The following CSMD1 variants were observed in gnomAD, a reference collection of about 807,000 sequenced individuals.
CSMD1 encodes CUB and sushi domain-containing protein 1.
A neutral mutation model predicts 417.5 loss-of-function variants in CSMD1; 213 were observed. The observed-to-expected ratio is 0.51, with a 90% CI of 0.46 to 0.57. The LOEUF is 0.57. CSMD1 is among the 20% of genes least tolerant of loss of function. The pLI, the probability that CSMD1 is intolerant of heterozygous loss-of-function variation, is 0.00. For missense variants in CSMD1, 6,923 were observed against 4,529.7 expected (o/e 1.53, Z -15.17); for synonymous variants, 2,862 against 1,736.8 (o/e 1.65, Z -16.11).
At chr8:4,100,656 G>A (rs1801258833) in intron 3 of CSMD1, among the ~76,000 whole-genome samples, 1 of 152,024 alleles carries the variant, frequency 6.6e-6, no homozygotes, top group Non-Finnish European at 1.5e-5. Flanking sequence ...TTTCGATGAT[G>A]GAAAAAGGGT....
At chr8:4,413,300 C>T (rs1207309148) in intron 3 of CSMD1, among the ~76,000 whole-genome samples, 1 of 152,152 alleles carries the variant, frequency 6.6e-6, no homozygotes, top group African/African-American at 2.4e-5. Flanking sequence ...TCTCCTTGGG[C>T]TCTGTGCTTT....
intron 1 of CSMD1, among the ~76,000 whole-genome samples, chr8:4,740,012 T>C (rs1477807172): frequency 6.6e-6 from 1 of 152,110 alleles, no homozygotes; most frequent in Admixed American, 6.6e-5. Flanking sequence ...TTTCCCACCC[T>C]GAGCTTCAGC....
chr8:4,648,121 G>C (rs1235931450), intron 1 of CSMD1, among the ~76,000 whole-genome samples: 5 of 152,192 alleles, frequency 3.3e-5, no homozygotes, highest in South Asian at 2.1e-4. Flanking sequence ...ACTGGCATGA[G>C]ATGGCATCTC....
intron 12 of CSMD1, among the ~76,000 whole-genome samples, chr8:3,411,815 T>TAC (rs1554543180): frequency 3.2e-5 from 4 of 125,252 alleles, no homozygotes; most frequent in East Asian, 3.5e-4. Flanking sequence ...CACGTATATA[T>TAC]ACGTGTATAT....
intron 3 of CSMD1, among the ~76,000 whole-genome samples, chr8:4,295,103 ATCTT>A (rs1797588376): frequency 2.7e-5 from 4 of 146,798 alleles, no homozygotes; most frequent in African/African-American, 9.9e-5. Context: ...CACACATATA[ATCTT>A]AAGATTACAC....
chr8:4,813,671 A>G (rs984727707), intron 1 of CSMD1, among the ~76,000 whole-genome samples: 18 of 152,226 alleles, frequency 1.2e-4, no homozygotes, highest in African/African-American at 3.9e-4. Flanking sequence ...GCAAGAGAGA[A>G]TGACACACTA....
chr8:3,621,546 A>G (rs1428851363), intron 7 of CSMD1, among the ~76,000 whole-genome samples: 4 of 152,126 alleles, frequency 2.6e-5, no homozygotes, highest in Non-Finnish European at 4.4e-5. Context: ...AATAGCATCA[A>G]TATATTTAAA....
At chr8:3,040,687 C>A (rs952043103) in intron 50 of CSMD1, among the ~76,000 whole-genome samples, 24 of 152,024 alleles carry the variant, frequency 1.6e-4, no homozygotes, top group Middle Eastern at 3.4e-3. Context: ...CCTGTAATCC[C>A]AGCCACTCGG....
At chr8:4,884,954 T>A (rs990505347) in intron 1 of CSMD1, among the ~76,000 whole-genome samples, 2 of 152,166 alleles carry the variant, frequency 1.3e-5, no homozygotes, top group African/African-American at 4.8e-5. Context: ...GCTGTAGCAA[T>A]ATGAAATCTC....
chr8:3,213,931 C>T (rs191330077), intron 30 of CSMD1, among the ~76,000 whole-genome samples: 2 of 151,800 alleles, frequency 1.3e-5, no homozygotes, highest in East Asian at 1.9e-4. Flanking sequence ...AATCTCAGCT[C>T]ACTGCCCAGG....
chr8:3,324,288 A>AC (rs1806365695), intron 23 of CSMD1, among the ~76,000 whole-genome samples: 1 of 136,082 alleles, frequency 7.3e-6, no homozygotes. Flanking sequence ...GCCACACCTA[A>AC]CCCCTGAGAC....
At chr8:3,860,731 A>G (rs1804643568) in intron 5 of CSMD1, among the ~76,000 whole-genome samples, 1 of 152,192 alleles carries the variant, frequency 6.6e-6, no homozygotes, top group Non-Finnish European at 1.5e-5. Context: ...CTAATAGCAA[A>G]GTCCACATTT....
chr8:4,765,236 T>G (rs1369727265), intron 1 of CSMD1, among the ~76,000 whole-genome samples: 1 of 152,192 alleles, frequency 6.6e-6, no homozygotes, highest in Non-Finnish European at 1.5e-5. Context: ...CTAGGCTGAA[T>G]CTTACAATAA....
At chr8:3,820,051 G>T (rs62479936) in intron 5 of CSMD1, among the ~76,000 whole-genome samples, 12 of 152,136 alleles carry the variant, frequency 7.9e-5, no homozygotes, top group Non-Finnish European at 1.8e-4. Flanking sequence ...AATCTCATTC[G>T]AGTACATTTC....
At chr8:3,507,811 G>T (rs1010605199) in intron 10 of CSMD1, among the ~76,000 whole-genome samples, 1 of 152,158 alleles carries the variant, frequency 6.6e-6, no homozygotes, top group South Asian at 2.1e-4. Flanking sequence ...CTTCTTTTGA[G>T]AAATATCTGT....
At chr8:4,275,870 A>G (rs1796455788) in intron 3 of CSMD1, among the ~76,000 whole-genome samples, 1 of 152,260 alleles carries the variant, frequency 6.6e-6, no homozygotes, top group East Asian at 1.9e-4. Flanking sequence ...GGCATGAATT[A>G]TAATTGGATG....
chr8:3,601,151 G>A (rs1387078864), intron 8 of CSMD1, among the ~76,000 whole-genome samples: 2 of 152,158 alleles, frequency 1.3e-5, no homozygotes, highest in Non-Finnish European at 2.9e-5. Context: ...TGGCTTCTGA[G>A]ATCTACCAGT....
chr8:2,996,586 C>A (rs1489446434), intron 54 of CSMD1, among the ~76,000 whole-genome samples: 1 of 152,208 alleles, frequency 6.6e-6, no homozygotes, highest in Non-Finnish European at 1.5e-5. Context: ...ACCGCTAGCT[C>A]TCTTGAGCTC....
At position 2,940,367 on chromosome 8, in the gene CSMD1, G is replaced by A. The variant is rs558473617; in HGVS notation, c.10536-1623C>T. On this transcript the variant is annotated intron_variant, in intron 69 of 69. Transcript: ENST00000635120. The stretch of plus-strand genomic sequence containing the variant: ...CCGTCCTCTTGAGAACTGTGAGAGG[G>A]AACAGCTTCCTTCATATTCAACATG... 2.0e-5 allele frequency among the ~76,000 whole-genome samples: 3 copies of A among 152,284 alleles called. No individual in the cohort carries two copies. In the South Asian group the frequency reaches 6.2e-4, roughly 32 times the overall value.
Sources: gnomAD v4.1 joint callset for allele counts (sites outside exome capture counted in the v4.1 genomes callset) on GRCh38, gnomAD v4.1.1 for gene constraint, MANE v1.5 for transcripts, NCBI Gene and HGNC (gene_info 2026-07-23, HGNC 2026-07-21) for gene names.